INTS8: variants seen among roughly 807,000 people sequenced by gnomAD.
The protein encoded by INTS8 is protein kaonashi-1.
A neutral mutation model predicts 138.9 loss-of-function variants in INTS8; 47 were observed. The ratio of observed to expected loss-of-function variants is 0.34; its 90% CI spans 0.27 to 0.43. The LOEUF (loss-of-function observed/expected upper bound fraction) is 0.43. INTS8 is among the 20% of genes least tolerant of loss of function. The pLI, the probability that INTS8 is intolerant of heterozygous loss-of-function variation, is 1.00. For synonymous variants in INTS8, 392 were observed against 400.9 expected, an observed-to-expected ratio of 0.98 and a Z score of 0.27; for missense variants, 996 against 1,173.0, an observed-to-expected ratio of 0.85 and a Z score of 2.20.
chr8:94,859,958 G>A (rs951765129), intron 16 of INTS8: 3 of 183,132 alleles, frequency 1.6e-5, no homozygotes, highest in South Asian at 1.4e-4. Flanking sequence ...GATGGAGTCC[G>A]TCAGGGATGC....
intron 7 of INTS8, among the ~76,000 whole-genome samples, chr8:94,838,010 T>G (rs559329110): frequency 3.7e-4 from 56 of 150,638 alleles, no homozygotes; most frequent in Admixed American, 9.9e-4. Flanking sequence ...AACCTTTTTG[T>G]TTTTTGATTC....
At position 94,823,351 on chromosome 8, in the gene INTS8, C is replaced by CAT; in HGVS notation, c.-79_-78dup. The stretch of plus-strand genomic sequence containing the variant: ...GTGGCCTCTCTCCCACCGGGTTCCG[C>CAT]ATACCCCAGGCACCGGCCCGCATCC... On this transcript the variant is annotated 5_prime_UTR_variant, in exon 1 of 27. Coordinates refer to ENST00000523731, the MANE Select transcript of INTS8 (RefSeq NM_017864.4). 1 of 1,508,188 alleles carries CAT rather than the reference C, an allele frequency of 6.6e-7. No homozygotes were observed. The highest frequency in any genetic ancestry group is 8.8e-7 in the Non-Finnish European group (1 of 1,131,960). The allele number at this position is 1,508,188 out of a possible 1,614,324, so 93.4% of individuals were successfully genotyped here.
chr8:94,858,969 T>C (rs1329586432), intron 15 of INTS8, among the ~76,000 whole-genome samples: 2 of 152,134 alleles, frequency 1.3e-5, no homozygotes, highest in African/African-American at 4.8e-5. Context: ...TAAACAGTGT[T>C]TAAAATAAGA....
At chr8:94,830,758 A>G (rs1052662020) in intron 5 of INTS8, among the ~76,000 whole-genome samples, 1 of 152,124 alleles carries the variant, frequency 6.6e-6, no homozygotes, top group African/African-American at 2.4e-5. Context: ...TCGGACCCCC[A>G]AAGTGCTGGT....
rs745665458 is a variant in INTS8 at position 94,865,571 on chromosome 8, C to A, written c.2142C>A (p.Ala714=). The A allele has an allele frequency of 1.2e-5, 19 of 1,613,930 alleles. No individual in the cohort carries two copies. Among genetic ancestry groups the A allele is most frequent in the Middle Eastern group, 1.6e-4 (1 of 6,084 alleles). The change falls in exon 17 of 27, where the codon GCC becomes GCA. Residue 714 remains alanine, a synonymous_variant. Coordinates refer to ENST00000523731, the MANE Select transcript of INTS8 (RefSeq NM_017864.4). The part of the protein sequence containing the change: ...LPGPKESRRT[A]KDLWEVVVQI... ...GCCCTAAAGAAAGTAGACGGACTGC[C>A]AAAGACCTTTGGGAAGTTGTTGTTC...
intron 10 of INTS8, among the ~76,000 whole-genome samples, chr8:94,848,676 A>G (rs1815420097): frequency 6.6e-6 from 1 of 152,280 alleles, no homozygotes; most frequent in African/African-American, 2.4e-5. Context: ...ACTTAATTGA[A>G]TGGATATATA....
intron 10 of INTS8, among the ~76,000 whole-genome samples, chr8:94,846,465 G>A (rs930565987): frequency 2.0e-5 from 3 of 152,068 alleles, no homozygotes; most frequent in Non-Finnish European, 2.9e-5. Context: ...GTAGAGATGG[G>A]GTTTCTCCAT....
chr8:94,840,155 CTA>C (rs1359452275), intron 8 of INTS8, among the ~76,000 whole-genome samples: 2 of 152,148 alleles, frequency 1.3e-5, no homozygotes, highest in African/African-American at 2.4e-5. Context: ...TTTTTATGAA[CTA>C]TGTGGGTTTT....
chr8:94,860,367 G>A (rs976223772), intron 16 of INTS8: 1 of 151,488 alleles, frequency 6.6e-6, no homozygotes, highest in Non-Finnish European at 1.5e-5. Flanking sequence ...GGATCACAAG[G>A]TCAGGAGTTC....
At chr8:94,856,665 C>A in intron 14 of INTS8, 112 bp from the exon 15 acceptor site, 3 of 831,810 alleles carry the variant, frequency 3.6e-6, no homozygotes, top group Non-Finnish European at 6.0e-6. Flanking sequence ...CTGAGAAAAG[C>A]AACGTTAACC....
intron 16 of INTS8, among the ~76,000 whole-genome samples, chr8:94,860,927 G>A (rs1815939816): frequency 6.6e-6 from 1 of 151,362 alleles, no homozygotes; most frequent in South Asian, 2.1e-4. Context: ...CGTAGTGGCG[G>A]GCTCCTGTAG....
intron 20 of INTS8, among the ~76,000 whole-genome samples, chr8:94,870,177 A>G (rs904576238): frequency 3.3e-5 from 5 of 151,524 alleles, no homozygotes; most frequent in East Asian, 3.9e-4. Context: ...TCAGCCTCCC[A>G]AGTAGCTGGG....
chr8:94,847,674 A>G (rs1002597691), intron 10 of INTS8, among the ~76,000 whole-genome samples: 1 of 152,136 alleles, frequency 6.6e-6, no homozygotes. Context: ...AAGCATCTAC[A>G]GAGATGCCCA....
At chr8:94,831,505 G>A (rs1186400388) in intron 5 of INTS8, among the ~76,000 whole-genome samples, 2 of 86,586 alleles carry the variant, frequency 2.3e-5, no homozygotes, top group African/African-American at 8.8e-5. Context: ...TTTTTGAGAT[G>A]GAGTTTCGCT....
chr8:94,848,737 C>T (rs983965315), intron 10 of INTS8, among the ~76,000 whole-genome samples: 1 of 152,058 alleles, frequency 6.6e-6, no homozygotes, highest in Middle Eastern at 3.2e-3. Flanking sequence ...GTTACTTATA[C>T]TTTTTGGCTA....
chr8:94,851,638 A>G lies in INTS8; in HGVS notation c.1593A>G (p.Glu531=). The part of the protein sequence containing the change: ...DPWRIRQILI[E]LHGMTSERQF... The stretch of plus-strand genomic sequence containing the variant: ...GGAGGATTAGACAAATTTTAATTGA[A>G]TTACATGGTATGACTTCAGAGCGCC... Residue 531 remains glutamate, a synonymous_variant, in exon 13 of 27, where the codon GAA becomes GAG. Coordinates refer to ENST00000523731, the MANE Select transcript of INTS8 (RefSeq NM_017864.4). 6.2e-7 allele frequency: 1 copy of G among 1,604,504 alleles called. No individual in the cohort carries two copies.
Position 94,824,875 on chromosome 8 carries a change from T to C in INTS8, c.131-18T>C, listed in dbSNP as rs747010022. On this transcript the variant is annotated intron_variant, in intron 1 of 26. Transcript: ENST00000523731. ...ATTAAAACTTAAATTTAAGAATTTATTTTCTTTTAAACCCTAGATCCTGCA... is the reference window on the plus strand; with the variant it reads ...ATTAAAACTTAAATTTAAGAATTTACTTTCTTTTAAACCCTAGATCCTGCA... 2 of 1,532,706 alleles carry C rather than the reference T, an allele frequency of 1.3e-6. No homozygotes were observed. Among genetic ancestry groups the C allele is most frequent in the East Asian group, 2.4e-5 (1 of 42,202 alleles). The allele number at this position is 1,532,706 out of a possible 1,614,324, so 94.9% of individuals were successfully genotyped here.
intron 23 of INTS8, 46 bp from the exon 24 acceptor site, chr8:94,876,028 C>A: frequency 7.9e-7 from 1 of 1,261,780 alleles, no homozygotes; most frequent in South Asian, 1.2e-5. Context: ...CTTGTAAAAC[C>A]AAGCTTTCAT....
intron 5 of INTS8, among the ~76,000 whole-genome samples, chr8:94,829,986 C>T (rs1250441383): frequency 6.6e-6 from 1 of 152,180 alleles, no homozygotes; most frequent in African/African-American, 2.4e-5. Context: ...AACTTCGCCT[C>T]CCTGCTTCAA....
Sources: allele counts gnomAD v4.1 joint callset (sites outside exome capture counted in the v4.1 genomes callset), GRCh38; gene constraint gnomAD v4.1.1; transcripts MANE v1.5; gene names NCBI Gene and HGNC (gene_info 2026-07-23, HGNC 2026-07-21).